The following FXN variants were observed in gnomAD, a reference collection of about 807,000 sequenced individuals.
FXN encodes frataxin.
In FXN, 14 loss-of-function variants were observed where a neutral mutation model predicts 22.4. The observed-to-expected ratio is 0.62, with a 90% CI of 0.41 to 0.98. FXN has a LOEUF of 0.98. Among genes scored for constraint, FXN ranks in the 50% least tolerant of loss-of-function variants. The pLI is 0.00. For missense variants in FXN, 267 were observed against 268.4 expected (o/e 0.99, Z 0.04); for synonymous variants, 120 against 114.1 (o/e 1.05, Z -0.33).
chr9:69,041,672 G>T lies in FXN; in HGVS notation c.166-4713G>T, dbSNP rs192852063. 3.3e-3 allele frequency among the ~76,000 whole-genome samples: 498 copies of T among 152,322 alleles called. 4 individuals carry two copies. Among genetic ancestry groups the T allele is most frequent in the African/African-American group, 0.011 (474 of 41,578 alleles). On this transcript the variant is annotated intron_variant, in intron 1 of 4. Transcript: ENST00000484259. ...GGCCGGGGGTGACAAGGGGACACCT[G>T]GGAAGGAAAGCTGGGCTCCCTGCTG... is the stretch of plus-strand genomic sequence containing the variant.
Position 69,077,204 on chromosome 9 carries a change from AC to A in FXN, c.*4445del, listed in dbSNP as rs1735447499. The stretch of plus-strand genomic sequence containing the variant: ...TGGGATTACAGGCGTGAGCCACTGC[AC>A]CCAGCCAGAAATGCCTTCTAATCTT... On this transcript the variant is annotated 3_prime_UTR_variant, in exon 5 of 5. Coordinates refer to ENST00000484259, the MANE Select transcript of FXN (RefSeq NM_000144.5). The A allele has an allele frequency of 1.0e-6, 1 of 984,036 alleles. No homozygotes were observed. The highest frequency in any genetic ancestry group is 1.7e-5 in the African/African-American group (1 of 57,294). The allele number at this position is 984,036 out of a possible 1,614,324, so 61.0% of individuals were successfully genotyped here. A position where few individuals can be genotyped will look rare whatever the true frequency, so the allele number is the denominator to read the frequency against.
intron 3 of FXN, among the ~76,000 whole-genome samples, chr9:69,054,192 G>A (rs1238318211): frequency 6.6e-6 from 1 of 152,048 alleles, no homozygotes; most frequent in Non-Finnish European, 1.5e-5. Flanking sequence ...TAAAGACGGG[G>A]TTTCACCATG....
chr9:69,064,269 T>G (rs1297529358), intron 3 of FXN, among the ~76,000 whole-genome samples: 1 of 152,222 alleles, frequency 6.6e-6, no homozygotes, highest in Non-Finnish European at 1.5e-5. Flanking sequence ...CATTTATTGG[T>G]CAAAGATGCA....
At chr9:69,041,330 C>G (rs992230539) in intron 1 of FXN, among the ~76,000 whole-genome samples, 9 of 152,224 alleles carry the variant, frequency 5.9e-5, no homozygotes, top group African/African-American at 2.2e-4. Flanking sequence ...TGCATTGATG[C>G]ATGCAGTTGT....
In FXN at chr9:69,078,334, A is replaced by G. The variant is rs1587835748; in HGVS notation, c.*5572A>G. The G allele has an allele frequency of 1.0e-6, 1 of 985,478 alleles. No individual in the cohort carries two copies. The highest frequency in any genetic ancestry group is 1.2e-6 in the Non-Finnish European group (1 of 829,978). The allele number at this position is 985,478 out of a possible 1,614,324, so 61.0% of individuals were successfully genotyped here. ...GCCAGTCCATCAGCAGTTCCCCTTG[A>G]AAGTTTCACCAAACATCCCTTAAAT... is the stretch of plus-strand genomic sequence containing the variant. On this transcript the variant is annotated 3_prime_UTR_variant, in exon 5 of 5. Transcript: ENST00000484259.
rs1022305284 is a variant in FXN, at chr9:69,078,184, G to C, written c.*5422G>C. ...TTCTCTGTAAGATTGCCTAGGCTGT[G>C]TACTGCACATCTCCAGGTGCCACTG... is the stretch of plus-strand genomic sequence containing the variant. On this transcript the variant is annotated 3_prime_UTR_variant, in exon 5 of 5. Transcript: ENST00000484259. The C allele has an allele frequency of 3.0e-6, 3 of 984,538 alleles. No homozygotes were observed. Among genetic ancestry groups the C allele is most frequent in the Non-Finnish European group, 3.6e-6 (3 of 829,152 alleles). 61.0% of individuals were successfully genotyped at this position (984,538 alleles called of 1,614,324 possible). A position where few individuals can be genotyped will look rare whatever the true frequency, so the allele number is the denominator to read the frequency against.
At chr9:69,046,099 C>T (rs1831747188) in intron 1 of FXN, among the ~76,000 whole-genome samples, 1 of 152,030 alleles carries the variant, frequency 6.6e-6, no homozygotes, top group Non-Finnish European at 1.5e-5. Context: ...TCTGGAAGAG[C>T]ATACAGTTAG....
chr9:69,066,970 G>A (rs73445272), intron 4 of FXN, among the ~76,000 whole-genome samples: 1,825 of 152,222 alleles, frequency 0.012, 36 homozygotes, highest in African/African-American at 0.038. Flanking sequence ...CAGGCTCCCC[G>A]GTCCACCTCA....
chr9:69,075,186 A>G lies in FXN; in HGVS notation c.*2424A>G, dbSNP rs1832343283. 2.0e-6 allele frequency: 2 copies of G among 984,942 alleles called. No homozygotes were observed. Among genetic ancestry groups the G allele is most frequent in the Non-Finnish European group, 2.4e-6 (2 of 829,456 alleles). The allele number at this position is 984,942 out of a possible 1,614,324, so 61.0% of individuals were successfully genotyped here. ...TAAGGAAAGAAAAGGGGCCTGGCAC[A>G]GTGGCTCATGCCTGTAATCCCAGCA... is the stretch of plus-strand genomic sequence containing the variant. On this transcript the variant is annotated 3_prime_UTR_variant, in exon 5 of 5. Transcript: ENST00000484259.
intron 3 of FXN, among the ~76,000 whole-genome samples, chr9:69,060,697 G>A (rs1832055502): frequency 6.6e-6 from 1 of 152,206 alleles, no homozygotes; most frequent in Non-Finnish European, 1.5e-5. Flanking sequence ...AGACTGGTGG[G>A]AGGAAGTTGA....
At chr9:69,048,061 C>T (rs944953390) in intron 2 of FXN, among the ~76,000 whole-genome samples, 8 of 152,138 alleles carry the variant, frequency 5.3e-5, no homozygotes, top group African/African-American at 1.7e-4. Flanking sequence ...CAAAAGTAGG[C>T]TTCTGAGCTA....
chr9:69,051,792 G>A (rs771587107), intron 2 of FXN, among the ~76,000 whole-genome samples: 3 of 152,192 alleles, frequency 2.0e-5, no homozygotes, highest in Non-Finnish European at 4.4e-5. Context: ...AATGAAATCT[G>A]ATCATATCTT....
chr9:69,041,725 G>A (rs1425779076), intron 1 of FXN, among the ~76,000 whole-genome samples: 2 of 152,184 alleles, frequency 1.3e-5, no homozygotes, highest in Non-Finnish European at 2.9e-5. Context: ...TTACCAGGGG[G>A]TAGGCAATGA....
At position 69,077,469 on chromosome 9, in the gene FXN, A is replaced by G. The variant is rs10869821; in HGVS notation, c.*4707A>G. ...TATTTAGACAGTTGAGGAAAACATC[A>G]GCACCCAGCAGTAAAATTGGCTCTC... On this transcript the variant is annotated 3_prime_UTR_variant, in exon 5 of 5. Coordinates refer to ENST00000484259, the MANE Select transcript of FXN (RefSeq NM_000144.5). The G allele has an allele frequency of 0.47, 466,690 of 984,974 alleles. 111,877 individuals are homozygous for G. The highest frequency in any genetic ancestry group is 0.65 in the East Asian group (5,702 of 8,818). The allele number at this position is 984,974 out of a possible 1,614,324, so 61.0% of individuals were successfully genotyped here. A position where few individuals can be genotyped will look rare whatever the true frequency, so the allele number is the denominator to read the frequency against.
chr9:69,044,783 C>T (rs1310567278), intron 1 of FXN, among the ~76,000 whole-genome samples: 1 of 152,140 alleles, frequency 6.6e-6, no homozygotes, highest in Admixed American at 6.6e-5. Flanking sequence ...GTCAGCAGAG[C>T]TGGTGGTAAT....
In FXN at chr9:69,035,774, C is replaced by G. The variant is rs952412861; in HGVS notation, c.-9C>G. ...TGGAGGGCGGAGCGGGCGGCAGACC[C>G]GGAGCAGCATGTGGACTCTCGGGCG... On this transcript the variant is annotated 5_prime_UTR_variant, in exon 1 of 5. Transcript: ENST00000484259. The G allele has an allele frequency of 2.7e-5, 41 of 1,501,378 alleles. No homozygotes were observed. In the African/African-American group the frequency reaches 4.4e-4, roughly 16 times the overall value. 93.0% of individuals were successfully genotyped at this position (1,501,378 alleles called of 1,614,324 possible).
Position 69,077,431 on chromosome 9 carries a change from T to C in FXN, c.*4669T>C, listed in dbSNP as rs1460959990. The C allele has an allele frequency of 2.0e-6, 2 of 985,308 alleles. No individual in the cohort carries two copies. Among genetic ancestry groups the C allele is most frequent in the African/African-American group, 3.5e-5 (2 of 57,250 alleles). 61.0% of individuals were successfully genotyped at this position (985,308 alleles called of 1,614,324 possible). A position where few individuals can be genotyped will look rare whatever the true frequency, so the allele number is the denominator to read the frequency against. On this transcript the variant is annotated 3_prime_UTR_variant, in exon 5 of 5. Transcript: ENST00000484259. ...CAGAACAGATTTATTGAAATGTTTA[T>C]TAGCTGAAGATTTATTTAGACAGTT...
At position 69,074,232 on chromosome 9, in the gene FXN, C is replaced by G. The variant is rs1832326490; in HGVS notation, c.*1470C>G. 1 of 968,878 alleles carries G rather than the reference C, an allele frequency of 1.0e-6. No individual in the cohort carries two copies. The highest frequency in any genetic ancestry group is 1.8e-5 in the African/African-American group (1 of 56,748). 60.0% of individuals were successfully genotyped at this position (968,878 alleles called of 1,614,324 possible). On this transcript the variant is annotated 3_prime_UTR_variant, in exon 5 of 5. Coordinates refer to ENST00000484259, the MANE Select transcript of FXN (RefSeq NM_000144.5). Reference sequence around the variant, plus strand: ...ATAATAATAGCCATCCTTTATTGTACCCTTACTGGGTTAATCGTATTATAC... The same window carrying G: ...ATAATAATAGCCATCCTTTATTGTAGCCTTACTGGGTTAATCGTATTATAC...
At position 69,076,612 on chromosome 9, in the gene FXN, T is replaced by A. The variant is rs554350828; in HGVS notation, c.*3850T>A. 1.0e-6 allele frequency: 1 copy of A among 985,498 alleles called. No individual in the cohort carries two copies. Among genetic ancestry groups the A allele is most frequent in the East Asian group, 1.1e-4 (1 of 8,824 alleles). 61.0% of individuals were successfully genotyped at this position (985,498 alleles called of 1,614,324 possible). ...ATCCAGCTATACCTGCCCCAAATTC[T>A]GACAGATGCTTTTGCCACCTCTAAA... On this transcript the variant is annotated 3_prime_UTR_variant, in exon 5 of 5. Coordinates refer to ENST00000484259, the MANE Select transcript of FXN (RefSeq NM_000144.5).
Sources: allele counts gnomAD v4.1 joint callset (sites outside exome capture counted in the v4.1 genomes callset), GRCh38; gene constraint gnomAD v4.1.1; transcripts MANE v1.5; gene names NCBI Gene and HGNC (gene_info 2026-07-23, HGNC 2026-07-21).